Variants in MIPEP observed in about 807,000 individuals in gnomAD.
MIPEP encodes the protein mitochondrial intermediate peptidase.
Under a neutral mutation model 90.3 loss-of-function variants are expected in MIPEP, and 79 were observed. That is an observed-to-expected ratio of 0.87 (90% confidence interval 0.73 to 1.05). The LOEUF (loss-of-function observed/expected upper bound fraction) is 1.05, where lower values mean the gene tolerates loss of function less well. Ranked by LOEUF, MIPEP falls within the 50% of genes least tolerant of loss-of-function variation. The probability of loss-of-function intolerance (pLI) is 0.00; values close to 1 mark genes in which losing one functional copy is unlikely to be tolerated. For missense variants in MIPEP, 940 were observed against 905.6 expected, an observed-to-expected ratio of 1.04 and a Z score of -0.49; for synonymous variants, 334 against 315.8, an observed-to-expected ratio of 1.06 and a Z score of -0.61.
At chr13:23,834,929 T>C (rs1593181015) in intron 14 of MIPEP, among the ~76,000 whole-genome samples, 1 of 152,164 alleles carries the variant, frequency 6.6e-6, no homozygotes, top group Non-Finnish European at 1.5e-5. Context: ...AATGGATGGG[T>C]AGTTAATTGG....
chr13:23,853,054 A>T (rs992722153), intron 10 of MIPEP, among the ~76,000 whole-genome samples: 1 of 152,228 alleles, frequency 6.6e-6, no homozygotes, highest in African/African-American at 2.4e-5. Flanking sequence ...GTTTCAAGCT[A>T]AATATTATTA....
At chr13:23,814,627 T>G (rs1953213675) in intron 14 of MIPEP, among the ~76,000 whole-genome samples, 1 of 152,168 alleles carries the variant, frequency 6.6e-6, no homozygotes. Context: ...CAAGAACGTT[T>G]ATATTAGCTA....
intron 14 of MIPEP, among the ~76,000 whole-genome samples, chr13:23,818,569 A>C (rs1297495166): frequency 6.6e-6 from 1 of 152,222 alleles, no homozygotes. Flanking sequence ...ATAGTCTGAT[A>C]ATATTTATGG....
At chr13:23,748,304 A>G (rs1195506822) in intron 18 of MIPEP, among the ~76,000 whole-genome samples, 1 of 148,438 alleles carries the variant, frequency 6.7e-6, no homozygotes, top group Non-Finnish European at 1.5e-5. Context: ...TTGAATGCCG[A>G]TGGGCTGAGC....
intron 2 of MIPEP, among the ~76,000 whole-genome samples, chr13:23,883,802 G>A (rs1342950184): frequency 1.3e-5 from 2 of 152,154 alleles, no homozygotes; most frequent in Non-Finnish European, 2.9e-5. Context: ...ACAATTAGGT[G>A]AACAGGGTAT....
intron 16 of MIPEP, among the ~76,000 whole-genome samples, chr13:23,803,647 G>T (rs996685475): frequency 2.6e-5 from 4 of 152,080 alleles, no homozygotes; most frequent in Non-Finnish European, 5.9e-5. Context: ...TCTTGCTCCT[G>T]TTTCACTGAT....
At chr13:23,767,331 AT>A (rs1251720052) in intron 16 of MIPEP, among the ~76,000 whole-genome samples, 1 of 152,128 alleles carries the variant, frequency 6.6e-6, no homozygotes, top group East Asian at 1.9e-4. Context: ...ACCAATATCT[AT>A]TTTTTTAAAT....
At chr13:23,837,805 GAAGAGT>G (rs1566012500) in intron 12 of MIPEP, 49 bp from the exon 13 acceptor site, 1 of 1,455,858 alleles carries the variant, frequency 6.9e-7, no homozygotes, top group Admixed American at 1.7e-5. Context: ...TTGGTAATGT[GAAGAGT>G]AAAACAGTCT....
At chr13:23,760,830 A>C (rs9510848) in intron 16 of MIPEP, among the ~76,000 whole-genome samples, 29,748 of 152,172 alleles carry the variant, frequency 0.2, 3,012 homozygotes, top group African/African-American at 0.23. Context: ...TTCTTCATTA[A>C]GTGAGTTTAA....
At position 23,818,622 on chromosome 13, in the gene MIPEP, C is replaced by T. The variant is rs114013542; in HGVS notation, c.1654-8698G>A. On this transcript the variant is annotated intron_variant, in intron 14 of 18. Transcript: ENST00000382172. ...ACCTACAGAAAACAGATGTGAGGTACAGAAATAGCTGGGTTGGTTACAGTT... is the reference window on the plus strand; with the variant it reads ...ACCTACAGAAAACAGATGTGAGGTATAGAAATAGCTGGGTTGGTTACAGTT... Among the ~76,000 whole-genome samples, 1,326 of 151,982 alleles carry T rather than the reference C, an allele frequency of 8.7e-3. 18 individuals carry two copies. Among genetic ancestry groups the T allele is most frequent in the African/African-American group, 0.031 (1,282 of 41,436 alleles).
chr13:23,771,590 A>G (rs1353650883), intron 16 of MIPEP, among the ~76,000 whole-genome samples: 1 of 151,534 alleles, frequency 6.6e-6, no homozygotes. Flanking sequence ...TGAAGTGACA[A>G]AACAAAATTA....
chr13:23,825,788 A>G (rs1868424705), intron 14 of MIPEP, among the ~76,000 whole-genome samples: 1 of 152,258 alleles, frequency 6.6e-6, no homozygotes, highest in Non-Finnish European at 1.5e-5. Context: ...AAGGAATCAC[A>G]GTAACTACAG....
intron 16 of MIPEP, among the ~76,000 whole-genome samples, chr13:23,802,626 A>G (rs1593163000): frequency 2.6e-5 from 4 of 151,812 alleles, no homozygotes; most frequent in Admixed American, 1.3e-4. Context: ...ATATCATTGA[A>G]TTTGTCAGTC....
At chr13:23,847,544 C>G (rs1162884279) in intron 10 of MIPEP, among the ~76,000 whole-genome samples, 1 of 151,132 alleles carries the variant, frequency 6.6e-6, no homozygotes, top group East Asian at 1.9e-4. Context: ...GAATTTCATG[C>G]TGGCAGGTGG....
intron 16 of MIPEP, among the ~76,000 whole-genome samples, chr13:23,779,532 G>C (rs527311598): frequency 6.6e-6 from 1 of 152,192 alleles, no homozygotes; most frequent in Non-Finnish European, 1.5e-5. Flanking sequence ...CAGCGTGAGT[G>C]ACGCAGAAGA....
In MIPEP at chr13:23,780,727, A is replaced by G. The variant is rs1952772458; in HGVS notation, c.1849-20510T>C. 2.0e-5 allele frequency among the ~76,000 whole-genome samples: 3 copies of G among 152,226 alleles called. 1 individual carries two copies. The highest frequency in any genetic ancestry group is 4.4e-5 in the Non-Finnish European group (3 of 68,040). On this transcript the variant is annotated intron_variant, in intron 16 of 18. Coordinates refer to ENST00000382172, the MANE Select transcript of MIPEP (RefSeq NM_005932.4). ...TTGAAAAAAGATTAGACGAATGGCT[A>G]ACTAGAATAACCAGTGTAGAGAAGT...
chr13:23,885,181 T>C (rs1384453512), intron 2 of MIPEP, among the ~76,000 whole-genome samples: 1 of 152,180 alleles, frequency 6.6e-6, no homozygotes, highest in Non-Finnish European at 1.5e-5. Flanking sequence ...TTTAGTGAAA[T>C]AAGTCAGGCA....
chr13:23,874,980 TTAAA>T lies in MIPEP; in HGVS notation c.540-75_540-72del, dbSNP rs560398499. On this transcript the variant is annotated intron_variant, in intron 4 of 18. Transcript: ENST00000382172. ...CTAACAAAAAAATTGTGGTTTTTTGTTAAATAAATAAGTCTTTTTCAGCCTCACT... is the reference window on the plus strand; with the variant it reads ...CTAACAAAAAAATTGTGGTTTTTTGTTAAATAAGTCTTTTTCAGCCTCACT... 1.1e-3 allele frequency: 1,469 copies of T among 1,369,064 alleles called. 2 individuals are homozygous for T. The highest frequency in any genetic ancestry group is 2.0e-3 in the Admixed American group (88 of 43,198). The allele number at this position is 1,369,064 out of a possible 1,614,324, so 84.8% of individuals were successfully genotyped here. A position where few individuals can be genotyped will look rare whatever the true frequency, so the allele number is the denominator to read the frequency against.
chr13:23,779,685 G>T (rs1952757768), intron 16 of MIPEP, among the ~76,000 whole-genome samples: 2 of 152,092 alleles, frequency 1.3e-5, no homozygotes, highest in South Asian at 4.1e-4. Context: ...AAGCACAAGG[G>T]GTCAGGGGAT....
Sources: allele counts gnomAD v4.1 joint callset (sites outside exome capture counted in the v4.1 genomes callset), GRCh38; gene constraint gnomAD v4.1.1; transcripts MANE v1.5; gene names NCBI Gene and HGNC (gene_info 2026-07-23, HGNC 2026-07-21).